Variants in RFX3 observed in about 807,000 individuals in gnomAD.
The protein encoded by RFX3 is transcription factor RFX3.
In RFX3, 14 loss-of-function variants were observed where a neutral mutation model predicts 98.6. The observed-to-expected ratio is 0.14, with a 90% CI of 0.09 to 0.22. The LOEUF (loss-of-function observed/expected upper bound fraction) is 0.22. RFX3 is among the 10% of genes least tolerant of loss of function. The probability of loss-of-function intolerance (pLI) is 1.00; values close to 1 mark genes in which losing one functional copy is unlikely to be tolerated. For missense variants in RFX3, 639 were observed against 926.9 expected (o/e 0.69, Z 4.03); for synonymous variants, 383 against 328.4 (o/e 1.17, Z -1.80).
rs549463072 is a variant in RFX3 at position 3,417,593 on chromosome 9, G to T, written c.-8-21997C>A. 5.9e-5 allele frequency among the ~76,000 whole-genome samples: 9 copies of T among 152,214 alleles called. No homozygotes were observed. In the South Asian group the frequency reaches 1.9e-3, roughly 32 times the overall value. On this transcript the variant is annotated intron_variant, in intron 1 of 16. Transcript: ENST00000617270. ...ACCCATGGGTCAAAGAATTAAAACA[G>T]AAGTATTTTGAACTGAAGAAAATGA...
intron 1 of RFX3, among the ~76,000 whole-genome samples, chr9:3,504,951 T>TTATATATAATATATATAATATA (rs1816744773): frequency 5.0e-5 from 3 of 59,722 alleles, no homozygotes; most frequent in Non-Finnish European, 2.5e-5. Flanking sequence ...TATAATATAA[T>TTATATATAATATATATAATATA]ATATATTATA....
intron 2 of RFX3, among the ~76,000 whole-genome samples, chr9:3,366,832 G>C (rs967151793): frequency 3.3e-5 from 5 of 151,332 alleles, no homozygotes; most frequent in African/African-American, 1.2e-4. Flanking sequence ...GCATTTGGGA[G>C]ATAAATGAAT....
chr9:3,306,660 T>C (rs577403766), intron 4 of RFX3, among the ~76,000 whole-genome samples: 1 of 150,360 alleles, frequency 6.7e-6, no homozygotes, highest in East Asian at 2.0e-4. Flanking sequence ...AAATGACGAA[T>C]TAATGGGTGC....
chr9:3,482,663 G>A (rs553641286), intron 1 of RFX3, among the ~76,000 whole-genome samples: 2 of 152,076 alleles, frequency 1.3e-5, no homozygotes, highest in South Asian at 4.2e-4. Flanking sequence ...TTCAAACGAT[G>A]GATTCAAAAT....
At chr9:3,422,506 C>T (rs1431158913) in intron 1 of RFX3, among the ~76,000 whole-genome samples, 4 of 152,178 alleles carry the variant, frequency 2.6e-5, no homozygotes, top group South Asian at 2.1e-4. Context: ...AAGGAGAAAC[C>T]CTTCTGCCTT....
intron 2 of RFX3, among the ~76,000 whole-genome samples, chr9:3,395,071 C>A (rs1215884032): frequency 6.6e-6 from 1 of 152,188 alleles, no homozygotes; most frequent in East Asian, 1.9e-4. Flanking sequence ...GTGCATGCAT[C>A]CTATTAAGTA....
At chr9:3,467,918 C>T in intron 1 of RFX3, among the ~76,000 whole-genome samples, 1 of 152,148 alleles carries the variant, frequency 6.6e-6, no homozygotes, top group African/African-American at 2.4e-5. Context: ...CATGCAGCAG[C>T]AATCACCAAG....
chr9:3,397,676 G>A (rs1016017338), intron 1 of RFX3, among the ~76,000 whole-genome samples: 1 of 152,148 alleles, frequency 6.6e-6, no homozygotes, highest in African/African-American at 2.4e-5. Flanking sequence ...TCTACACTTT[G>A]ACATTGGCAT....
chr9:3,342,556 T>G lies in RFX3; in HGVS notation c.215+4111A>C, dbSNP rs77461675. Among the ~76,000 whole-genome samples the G allele has an allele frequency of 7.6e-3, 1,163 of 152,312 alleles. 8 individuals are homozygous for G. Among genetic ancestry groups the G allele is most frequent in the African/African-American group, 0.026 (1,100 of 41,570 alleles). ...TCCTTTAAAATAAAGATTTCTTAAT[T>G]TGACCATAATACAGCATGATGTCTC... On this transcript the variant is annotated intron_variant, in intron 3 of 16. Transcript: ENST00000617270.
intron 1 of RFX3, among the ~76,000 whole-genome samples, chr9:3,477,192 C>T (rs964997908): frequency 3.3e-5 from 5 of 152,170 alleles, no homozygotes; most frequent in East Asian, 1.9e-4. Context: ...ATACAAAAGA[C>T]ATGGATTTAG....
chr9:3,409,771 A>G (rs560491537), intron 1 of RFX3, among the ~76,000 whole-genome samples: 10 of 152,330 alleles, frequency 6.6e-5, no homozygotes, highest in Non-Finnish European at 8.8e-5. Context: ...TTTTCAGATA[A>G]TTGGCCTGCT....
intron 1 of RFX3, among the ~76,000 whole-genome samples, chr9:3,475,110 A>AG (rs111713986): frequency 0.022 from 3,369 of 151,560 alleles, 100 homozygotes; most frequent in African/African-American, 0.069. Flanking sequence ...CAAAAAAAAA[A>AG]AAAGAAAGAA....
At chr9:3,363,319 C>T (rs1481495751) in intron 2 of RFX3, among the ~76,000 whole-genome samples, 1 of 152,026 alleles carries the variant, frequency 6.6e-6, no homozygotes, top group African/African-American at 2.4e-5. Context: ...TATCTAACTA[C>T]AGAAAATTAA....
At chr9:3,428,656 T>G (rs1230741174) in intron 1 of RFX3, among the ~76,000 whole-genome samples, 2 of 152,190 alleles carry the variant, frequency 1.3e-5, no homozygotes, top group African/African-American at 4.8e-5. Context: ...GAAGTTAGTC[T>G]GATCTCACTG....
intron 1 of RFX3, chr9:3,488,831 T>C (rs777265579): frequency 4.3e-5 from 42 of 984,986 alleles, no homozygotes; most frequent in Non-Finnish European, 4.9e-5. Context: ...CTCTTGAGCT[T>C]TGTCTCTTAA....
At chr9:3,429,314 G>T (rs901192610) in intron 1 of RFX3, among the ~76,000 whole-genome samples, 1 of 150,708 alleles carries the variant, frequency 6.6e-6, no homozygotes, top group Non-Finnish European at 1.5e-5. Context: ...GAGCCACCGC[G>T]CCCGGCCAAT....
rs1198907058 is a variant in RFX3, at chr9:3,220,220, C to T, written c.*4822G>A. ...AGCGATCTAACTCCAAATAGCCTAACTGCCCCCAAAGAGTTCAGATTCTCT... is the reference window on the plus strand; with the variant it reads ...AGCGATCTAACTCCAAATAGCCTAATTGCCCCCAAAGAGTTCAGATTCTCT... On this transcript the variant is annotated 3_prime_UTR_variant, in exon 17 of 17. Transcript: ENST00000617270. The T allele has an allele frequency of 2.6e-5, 4 of 152,152 alleles. No homozygotes were observed. The highest frequency in any genetic ancestry group is 4.4e-5 in the Non-Finnish European group (3 of 68,022). The allele number at this position is 152,152 out of a possible 1,614,324, so 9.4% of individuals were successfully genotyped here.
At chr9:3,502,574 C>A (rs1245392046) in intron 1 of RFX3, among the ~76,000 whole-genome samples, 1 of 152,166 alleles carries the variant, frequency 6.6e-6, no homozygotes, top group African/African-American at 2.4e-5. Flanking sequence ...TTTGTGCAGT[C>A]AACACTAAAT....
chr9:3,459,734 G>C (rs75848206), intron 1 of RFX3, among the ~76,000 whole-genome samples: 1 of 151,508 alleles, frequency 6.6e-6, no homozygotes, highest in Non-Finnish European at 1.5e-5. Context: ...CAATCTTCTC[G>C]TGAATTATCA....
Sources: gnomAD v4.1 joint callset for allele counts (sites outside exome capture counted in the v4.1 genomes callset) on GRCh38, gnomAD v4.1.1 for gene constraint, MANE v1.5 for transcripts, NCBI Gene and HGNC (gene_info 2026-07-23, HGNC 2026-07-21) for gene names.